The following CDH8 variants were observed in gnomAD, a reference collection of about 807,000 sequenced individuals.
The protein encoded by CDH8 is cadherin-8.
A neutral mutation model predicts 68.1 loss-of-function variants in CDH8; 17 were observed. The ratio of observed to expected loss-of-function variants is 0.25; its 90% CI spans 0.17 to 0.37. The LOEUF is 0.37. Among genes scored for constraint, CDH8 ranks in the 10% least tolerant of loss-of-function variants. The pLI, the probability that CDH8 is intolerant of heterozygous loss-of-function variation, is 1.00. For missense variants in CDH8, 763 were observed against 999.3 expected (o/e 0.76, Z 3.19); for synonymous variants, 372 against 365.1 (o/e 1.02, Z -0.21).
At chr16:61,962,190 G>A (rs1030927731) in intron 2 of CDH8, among the ~76,000 whole-genome samples, 3 of 152,306 alleles carry the variant, frequency 2.0e-5, no homozygotes, top group Admixed American at 6.5e-5. Flanking sequence ...TTGTCTTGCT[G>A]TCGCAGAAGT....
chr16:61,727,177 T>G lies in CDH8; in HGVS notation c.1453A>C (p.Lys485Gln), dbSNP rs770141191. Residue 485 changes from lysine to glutamine, a missense_variant, in exon 9 of 12, where the codon AAA becomes CAA. Physicochemically the swap from Lys to Gln is moderately conservative, Grantham distance 53. Around this residue, in one of 2 missense-constraint regions of CDH8, gnomAD observed 397 missense variants for 436.2 expected, o/e 0.91. Coordinates refer to ENST00000577390, the MANE Select transcript of CDH8 (RefSeq NM_001796.5). ...GCGTTGTCATTGACATCCAGCACTT[T>G]AATAGCAACAGGTACTCGTGATATC... ...SQISRVPVAI[K>Q]VLDVNDNAPE... The G allele has an allele frequency of 6.2e-7, 1 of 1,609,998 alleles. No homozygotes were observed. Among genetic ancestry groups the G allele is most frequent in the African/African-American group, 1.3e-5 (1 of 74,524 alleles).
chr16:61,994,617 T>A (rs1412628975), intron 2 of CDH8, among the ~76,000 whole-genome samples: 1 of 152,212 alleles, frequency 6.6e-6, no homozygotes, highest in Non-Finnish European at 1.5e-5. Flanking sequence ...ATATGTTAGA[T>A]CACTGGTACT....
intron 4 of CDH8, among the ~76,000 whole-genome samples, chr16:61,851,518 A>G (rs924808986): frequency 2.0e-5 from 3 of 151,974 alleles, no homozygotes; most frequent in Admixed American, 6.6e-5. Context: ...TCCATCTTCA[A>G]TCACCTAGGA....
intron 10 of CDH8, among the ~76,000 whole-genome samples, chr16:61,664,165 GATGT>G (rs1963623161): frequency 6.6e-6 from 1 of 151,764 alleles, no homozygotes; most frequent in African/African-American, 2.4e-5. Context: ...GAATTGTGAA[GATGT>G]ATGTATTCTT....
intron 7 of CDH8, among the ~76,000 whole-genome samples, chr16:61,816,659 G>C (rs1049832860): frequency 3.9e-5 from 6 of 152,068 alleles, no homozygotes; most frequent in Non-Finnish European, 7.3e-5. Flanking sequence ...GACCAGCATA[G>C]AAGTTATAGA....
intron 2 of CDH8, among the ~76,000 whole-genome samples, chr16:61,970,723 C>T (rs1413555042): frequency 2.0e-5 from 3 of 152,138 alleles, no homozygotes; most frequent in Admixed American, 6.5e-5. Context: ...GTTCTGACAC[C>T]GTCTCCCTGG....
At chr16:61,901,149 A>C in intron 3 of CDH8, 30 bp downstream of exon 3, 5 of 1,588,574 alleles carry the variant, frequency 3.1e-6, no homozygotes, top group Non-Finnish European at 4.3e-6. Flanking sequence ...ATGACTTTTA[A>C]TAGATCTGTG....
chr16:61,737,700 C>G (rs1007906706), intron 8 of CDH8, among the ~76,000 whole-genome samples: 1 of 152,084 alleles, frequency 6.6e-6, no homozygotes, highest in Admixed American at 6.6e-5. Flanking sequence ...AAGAGGGTAG[C>G]CATGCTTCTG....
intron 10 of CDH8, among the ~76,000 whole-genome samples, chr16:61,694,726 T>C (rs1356574265): frequency 6.6e-6 from 1 of 152,160 alleles, no homozygotes; most frequent in Non-Finnish European, 1.5e-5. Context: ...TTTAAAAGTA[T>C]AGCTTAATAA....
chr16:61,679,062 G>A (rs1377060544), intron 10 of CDH8, among the ~76,000 whole-genome samples: 1 of 152,022 alleles, frequency 6.6e-6, no homozygotes, highest in East Asian at 1.9e-4. Flanking sequence ...GAATTGTGTG[G>A]TTATCTTATT....
At chr16:61,689,739 C>A (rs1964181489) in intron 10 of CDH8, among the ~76,000 whole-genome samples, 1 of 151,750 alleles carries the variant, frequency 6.6e-6, no homozygotes, top group Admixed American at 6.6e-5. Context: ...ATAAGAATAG[C>A]CAGATATTTG....
chr16:61,945,584 A>C (rs144752286), intron 2 of CDH8, among the ~76,000 whole-genome samples: 355 of 152,340 alleles, frequency 2.3e-3, no homozygotes, highest in Non-Finnish European at 3.8e-3. Context: ...AGTTTGCTTA[A>C]GAGTTAAGAA....
At chr16:61,965,087 C>T (rs1965224035) in intron 2 of CDH8, among the ~76,000 whole-genome samples, 2 of 152,066 alleles carry the variant, frequency 1.3e-5, no homozygotes, top group South Asian at 4.2e-4. Flanking sequence ...CATCCTCTGG[C>T]TTTGGGGGTT....
At chr16:62,033,217 T>C (rs545178468) in intron 1 of CDH8, among the ~76,000 whole-genome samples, 17 of 152,338 alleles carry the variant, frequency 1.1e-4, no homozygotes, top group African/African-American at 3.6e-4. Context: ...CATGCTGCCA[T>C]TGGCTACTTA....
intron 9 of CDH8, chr16:61,726,724 G>A (rs2142892526): frequency 3.1e-6 from 1 of 317,592 alleles, no homozygotes; most frequent in South Asian, 1.5e-4. Context: ...TGTTTGCTGT[G>A]AAACAAATGT....
rs1963318078 is a variant in CDH8 at position 61,651,348 on chromosome 16, TC to T, written c.*2259del. Reference sequence around the variant, plus strand: ...TCCCTTTGACCTCAAGAAAAAGTGTTCACTAGCCGTAATAATACGCATAAAA... The same window carrying T: ...TCCCTTTGACCTCAAGAAAAAGTGTTACTAGCCGTAATAATACGCATAAAA... On this transcript the variant is annotated 3_prime_UTR_variant, in exon 12 of 12. Transcript: ENST00000577390. The T allele has an allele frequency of 6.6e-6, 1 of 152,158 alleles. No homozygotes were observed. Among genetic ancestry groups the T allele is most frequent in the African/African-American group, 2.4e-5 (1 of 41,440 alleles). The allele number at this position is 152,158 out of a possible 1,614,324, so 9.4% of individuals were successfully genotyped here.
At chr16:61,856,168 G>A (rs1316849604) in intron 4 of CDH8, among the ~76,000 whole-genome samples, 1 of 152,018 alleles carries the variant, frequency 6.6e-6, no homozygotes, top group Admixed American at 6.6e-5. Context: ...CAACAGCGCT[G>A]AAAAGTCATG....
rs187514413 is a variant in CDH8, at chr16:61,984,453, T to C, written c.252+36699A>G. Among the ~76,000 whole-genome samples the C allele has an allele frequency of 9.9e-5, 15 of 151,208 alleles. No individual in the cohort carries two copies. The East Asian group carries it at 2.9e-3, about 29-fold the overall frequency. ...CTCATCTTTTGCTCATTTTGTCTTT[T>C]ACGTTTTTTTTTTTTTAATAGAGAC... is the stretch of plus-strand genomic sequence containing the variant. On this transcript the variant is annotated intron_variant, in intron 2 of 11. Coordinates refer to ENST00000577390, the MANE Select transcript of CDH8 (RefSeq NM_001796.5).
intron 3 of CDH8, among the ~76,000 whole-genome samples, chr16:61,899,008 T>C (rs1362865794): frequency 6.6e-6 from 1 of 152,182 alleles, no homozygotes; most frequent in Non-Finnish European, 1.5e-5. Context: ...CTTTAAGTTC[T>C]GGGATACATG....
Sources: allele counts gnomAD v4.1 joint callset (sites outside exome capture counted in the v4.1 genomes callset), GRCh38; gene constraint gnomAD v4.1.1; regional missense constraint gnomAD v4.1.1; transcripts MANE v1.5; gene names NCBI Gene and HGNC (gene_info 2026-07-23, HGNC 2026-07-21).